SBNO2: variants seen among roughly 807,000 people sequenced by gnomAD.
SBNO2 encodes the protein protein strawberry notch homolog 2.
In SBNO2, 89 loss-of-function variants were observed where a neutral mutation model predicts 146.3. That is an observed-to-expected ratio of 0.61 (90% confidence interval 0.51 to 0.73). The LOEUF (loss-of-function observed/expected upper bound fraction) is 0.73, where lower values mean the gene tolerates loss of function less well. SBNO2 is among the 30% of genes least tolerant of loss of function. The pLI, the probability that SBNO2 is intolerant of heterozygous loss-of-function variation, is 0.00. For missense variants in SBNO2, 2,092 were observed against 2,003.7 expected (o/e 1.04, Z -0.84); for synonymous variants, 1,147 against 892.6 (o/e 1.29, Z -5.08).
At chr19:1,119,481 CGCCG>C in intron 13 of SBNO2, 31 bp downstream of exon 13, 11 of 1,433,200 alleles carry the variant, frequency 7.7e-6, no homozygotes, top group Non-Finnish European at 1.1e-5. Flanking sequence ...CCCCACCCCC[CGCCG>C]CCCCTCCACG....
chr19:1,123,697 G>C (rs895070608), intron 6 of SBNO2, 58 bp from the exon 7 acceptor site: 5 of 1,498,198 alleles, frequency 3.3e-6, no homozygotes, highest in Admixed American at 1.9e-5. Context: ...GCGGGCACTG[G>C]GCTCCCCCAG....
At position 1,140,093 on chromosome 19, in the gene SBNO2, A is replaced by AT. The variant is rs2080121038; in HGVS notation, c.279+7215dup. Among the ~76,000 whole-genome samples, 1 of 151,968 alleles carries AT rather than the reference A, an allele frequency of 6.6e-6. No individual in the cohort carries two copies. Among genetic ancestry groups the AT allele is most frequent in the African/African-American group, 2.4e-5 (1 of 41,378 alleles). ...GGTGGGTGGATCACAAGGTCAGGAG[A>AT]TTGAGACCAGCCTGGCTAACACGGT... On this transcript the variant is annotated intron_variant, in intron 4 of 31. Transcript: ENST00000361757. The surrounding 1 kb of genome is among the most constrained non-coding windows in gnomAD (Gnocchi z 4.4).
intron 1 of SBNO2, among the ~76,000 whole-genome samples, chr19:1,171,423 T>G (rs930054241): frequency 6.6e-6 from 1 of 152,096 alleles, no homozygotes; most frequent in Non-Finnish European, 1.5e-5. Flanking sequence ...TACACACACA[T>G]GCAGAGTCCC....
In SBNO2 at chr19:1,109,613, G is replaced by A. The variant is rs1799603417; in HGVS notation, c.3124-15C>T. On this transcript the variant is annotated splice_polypyrimidine_tract_variant and intron_variant, in intron 27 of 31. Transcript: ENST00000361757. The surrounding 1 kb of genome is among the most constrained non-coding windows in gnomAD (Gnocchi z 4.2). ...TCCACGCTGATCTGCCACGGCACGG[G>A]GTGGGGGGGTGTGAGTGTGGTGGGG... The A allele has an allele frequency of 7.7e-6, 12 of 1,564,444 alleles. No individual in the cohort carries two copies. Among genetic ancestry groups the A allele is most frequent in the African/African-American group, 1.4e-5 (1 of 74,012 alleles).
At chr19:1,115,458 C>G (rs2079819541) in intron 17 of SBNO2, 1 of 152,134 alleles carries the variant, frequency 6.6e-6, no homozygotes, top group East Asian at 1.9e-4. Context: ...CCAGGCTGGT[C>G]TTAAACTCCT....
Position 1,108,636 on chromosome 19 carries a change from T to G in SBNO2, c.3685A>C (p.Lys1229Gln). Residue 1229 changes from lysine to glutamine, a missense_variant, in exon 32 of 32, where the codon AAG (lysine) becomes CAG (glutamine). Transcript: ENST00000361757. ...CCCAGGGCGGGCGCCTGCCTGCGCTTCACGTCCGCATCCATCAGCCGCAGC... is the reference window on the plus strand; with the variant it reads ...CCCAGGGCGGGCGCCTGCCTGCGCTGCACGTCCGCATCCATCAGCCGCAGC... ...QELRLMDADVKRRQAPALGCP... is the reference protein window; with the variant it reads ...QELRLMDADVQRRQAPALGCP... 1 of 1,486,942 alleles carries G rather than the reference T, an allele frequency of 6.7e-7. No homozygotes were observed. The highest frequency in any genetic ancestry group is 1.3e-5 in the South Asian group (1 of 78,878). 92.1% of individuals were successfully genotyped at this position (1,486,942 alleles called of 1,614,324 possible).
chr19:1,114,201 G>A (rs1264403055), intron 18 of SBNO2, 30 bp downstream of exon 18: 1 of 1,419,744 alleles, frequency 7.0e-7, no homozygotes, highest in Non-Finnish European at 9.3e-7. Flanking sequence ...CTGACCCACA[G>A]GTGGCTGGCC....
In SBNO2 at chr19:1,109,349, G is replaced by A. The variant is rs753296059; in HGVS notation, c.3291C>T (p.Asn1097=). ...RGQFFTVYKP[N]IGRQSQLEAL... ...CCTCCAGCTGGCTCTGCCGGCCGATGTTGGGCTTGTACACCGTGAAGAACT... is the reference window on the plus strand; with the variant it reads ...CCTCCAGCTGGCTCTGCCGGCCGATATTGGGCTTGTACACCGTGAAGAACT... The change falls in exon 29 of 32, where the codon AAC becomes AAT. Residue 1097 remains asparagine (N), a synonymous_variant. Coordinates refer to ENST00000361757, the MANE Select transcript of SBNO2 (RefSeq NM_014963.3). The surrounding 1 kb of genome is among the most constrained non-coding windows in gnomAD (Gnocchi z 4.2). The A allele has an allele frequency of 1.9e-6, 3 of 1,593,332 alleles. No individual in the cohort carries two copies. Among genetic ancestry groups the A allele is most frequent in the South Asian group, 1.1e-5 (1 of 88,490 alleles).
At chr19:1,120,171 G>C in intron 11 of SBNO2, 148 bp from the exon 12 acceptor site, 2 of 643,176 alleles carry the variant, frequency 3.1e-6, no homozygotes, top group Non-Finnish European at 2.7e-6. Context: ...GGTCGGAGTG[G>C]CAGCCGGCTA....
chr19:1,127,178 G>A (rs969396473), intron 5 of SBNO2, among the ~76,000 whole-genome samples: 7 of 152,222 alleles, frequency 4.6e-5, no homozygotes, highest in Non-Finnish European at 1.0e-4. Context: ...GCCTGGGCCC[G>A]CTGGGCGCTG....
rs899495705 is a variant in SBNO2, at chr19:1,157,098, C to T, written c.-126-2696G>A. 6.6e-6 allele frequency among the ~76,000 whole-genome samples: 1 copy of T among 152,082 alleles called. No individual in the cohort carries two copies. Among genetic ancestry groups the T allele is most frequent in the African/African-American group, 2.4e-5 (1 of 41,406 alleles). ...CTCCCGCAGCCCCCAGCCCCTAGCCCTGCCTGCAGACTCGGTCCTGTCCGA... is the reference window on the plus strand; with the variant it reads ...CTCCCGCAGCCCCCAGCCCCTAGCCTTGCCTGCAGACTCGGTCCTGTCCGA... On this transcript the variant is annotated intron_variant, in intron 1 of 31. Coordinates refer to ENST00000361757, the MANE Select transcript of SBNO2 (RefSeq NM_014963.3). This position sits in a 1 kb window ranked among gnomAD's most constrained non-coding sequence, Gnocchi z 6.8.
Position 1,108,930 on chromosome 19 carries a change from G to A in SBNO2, c.3465C>T (p.Cys1155=), listed in dbSNP as rs776336244. The change falls in exon 31 of 32, where the codon TGC becomes TGT. Residue 1155 remains cysteine, a synonymous_variant. Coordinates refer to ENST00000361757, the MANE Select transcript of SBNO2 (RefSeq NM_014963.3). ...HCRLAQEGKD[C]LQGLRLRHHY... is the part of the protein sequence containing the mutation. ...GGTGCCGCAGCCGCAGCCCCTGCAGGCAGTCCTTACCCTCCTGCGCCAGCC... is the reference window on the plus strand; with the variant it reads ...GGTGCCGCAGCCGCAGCCCCTGCAGACAGTCCTTACCCTCCTGCGCCAGCC... 33 of 1,571,232 alleles carry A rather than the reference G, an allele frequency of 2.1e-5. No homozygotes were observed. The highest frequency in any genetic ancestry group is 3.6e-4 in the Middle Eastern group (2 of 5,516).
In SBNO2 at chr19:1,112,525, T is replaced by C. The variant is rs1352861793; in HGVS notation, c.2392A>G (p.Ile798Val). The change falls in exon 21 of 32, where the codon ATC becomes GTC. Residue 798 changes from isoleucine to valine, a missense_variant. By Grantham distance (29) the Ile-to-Val change is conservative. Coordinates refer to ENST00000361757, the MANE Select transcript of SBNO2 (RefSeq NM_014963.3). This position sits in a 1 kb window ranked among gnomAD's most constrained non-coding sequence, Gnocchi z 5.9. The stretch of plus-strand genomic sequence containing the variant: ...ACACCCGAGCTGGAGGCCTCCGAGA[T>C]GATGGCCACGAGCTAGGGGGAAAGA... ...FMSGEKLVAI[I>V]SEASSSGVSL... The C allele has an allele frequency of 6.2e-7, 1 of 1,601,848 alleles. No individual in the cohort carries two copies. Among genetic ancestry groups the C allele is most frequent in the Non-Finnish European group, 8.5e-7 (1 of 1,177,374 alleles).
intron 1 of SBNO2, among the ~76,000 whole-genome samples, chr19:1,161,938 T>G (rs1414579593): frequency 3.0e-3 from 155 of 52,348 alleles, no homozygotes; most frequent in Admixed American, 5.1e-3. Flanking sequence ...GGGCCAGGCC[T>G]GCGGGGAGGA....
At chr19:1,145,487 AAG>A (rs1424106993) in intron 4 of SBNO2, among the ~76,000 whole-genome samples, 1 of 151,188 alleles carries the variant, frequency 6.6e-6, no homozygotes, top group African/African-American at 2.4e-5. Context: ...AAAAAAAAAA[AAG>A]AAAGAAAGAA....
chr19:1,117,467 C>T lies in SBNO2; in HGVS notation c.1560G>A (p.Ala520=), dbSNP rs756927087. 3.8e-6 allele frequency: 6 copies of T among 1,588,000 alleles called. No homozygotes were observed. The highest frequency in any genetic ancestry group is 2.3e-5 in the East Asian group (1 of 43,060). The change falls in exon 15 of 32, where the codon GCG becomes GCA. Residue 520 remains alanine (A), a synonymous_variant. Coordinates refer to ENST00000361757, the MANE Select transcript of SBNO2 (RefSeq NM_014963.3). ...GCGACTCCAGGCCGATCCAGTCGGC[C>T]GCCTGCTGGAACACGTTCAGGGCCT... The part of the protein sequence containing the change: ...WAEALNVFQQ[A]ADWIGLESRK...
chr19:1,113,971 C>A (rs990797624), intron 18 of SBNO2, among the ~76,000 whole-genome samples: 6 of 152,230 alleles, frequency 3.9e-5, no homozygotes, highest in Non-Finnish European at 2.9e-5. Flanking sequence ...TGCCCAGCCC[C>A]AAGCCCCAGC....
In SBNO2 at chr19:1,126,047, C is replaced by A. The variant is rs888698267; in HGVS notation, c.441+1557G>T. ...AGCATCTCTTCTAGACCCGGTCCCC[C>A]CCTTGAACTCCAACGTCCTGAGACG... On this transcript the variant is annotated intron_variant, in intron 5 of 31. Transcript: ENST00000361757. This position sits in a 1 kb window ranked among gnomAD's most constrained non-coding sequence, Gnocchi z 4.4. Among the ~76,000 whole-genome samples the A allele has an allele frequency of 1.3e-5, 2 of 152,188 alleles. No individual in the cohort carries two copies. The highest frequency in any genetic ancestry group is 2.4e-5 in the African/African-American group (1 of 41,452).
In SBNO2 at chr19:1,117,673, C is replaced by A. The variant is rs557695640; in HGVS notation, c.1528-174G>T. Among the ~76,000 whole-genome samples, 22 of 152,352 alleles carry A rather than the reference C, an allele frequency of 1.4e-4. No individual in the cohort carries two copies. In the East Asian group the frequency reaches 4.2e-3, roughly 29 times the overall value. On this transcript the variant is annotated intron_variant, in intron 14 of 31. Coordinates refer to ENST00000361757, the MANE Select transcript of SBNO2 (RefSeq NM_014963.3). The stretch of plus-strand genomic sequence containing the variant: ...AGAGGCACTGCCTCTACCTGTACGG[C>A]AAAAACCTGAAAAACCAAAACACTC...
Sources: gnomAD v4.1 joint callset for allele counts (sites outside exome capture counted in the v4.1 genomes callset) on GRCh38, gnomAD v4.1.1 for gene constraint, Gnocchi (gnomAD v3.1) non-coding constraint, MANE v1.5 for transcripts, NCBI Gene and HGNC (gene_info 2026-07-23, HGNC 2026-07-21) for gene names.